GDAP2: variants seen among roughly 807,000 people sequenced by gnomAD.
GDAP2 encodes the protein ganglioside induced differentiation associated protein 2.
A neutral mutation model predicts 67.0 loss-of-function variants in GDAP2; 51 were observed. That is an observed-to-expected ratio of 0.76 (90% confidence interval 0.61 to 0.96). The LOEUF is 0.96. Among genes scored for constraint, GDAP2 ranks in the 40% least tolerant of loss-of-function variants. The probability of loss-of-function intolerance (pLI) is 0.00; values close to 1 mark genes in which losing one functional copy is unlikely to be tolerated. For missense variants in GDAP2, 547 were observed against 588.3 expected (o/e 0.93, Z 0.73); for synonymous variants, 203 against 207.3 (o/e 0.98, Z 0.18).
chr1:117,915,155 T>C (rs751943672), intron 3 of GDAP2, among the ~76,000 whole-genome samples: 10 of 152,198 alleles, frequency 6.6e-5, no homozygotes, highest in Non-Finnish European at 1.2e-4. Context: ...AGGTCTAACA[T>C]GATACAACAT....
In GDAP2 at chr1:117,867,211, A is replaced by G. The variant is rs1648100152; in HGVS notation, c.*3358T>C. On this transcript the variant is annotated 3_prime_UTR_variant, in exon 14 of 14. Coordinates refer to ENST00000369443, the MANE Select transcript of GDAP2 (RefSeq NM_017686.4). ...TAAACAATATCCAAGCAAACAGAAA[A>G]GAAGAGGAAATAGGCAAGCCATGTT... is the stretch of plus-strand genomic sequence containing the variant. 6.6e-6 allele frequency: 1 copy of G among 152,198 alleles called. No homozygotes were observed. The highest frequency in any genetic ancestry group is 2.4e-5 in the African/African-American group (1 of 41,442). 9.4% of individuals were successfully genotyped at this position (152,198 alleles called of 1,614,324 possible).
chr1:117,898,861 GACGTATA>G (rs1649349427), intron 7 of GDAP2, among the ~76,000 whole-genome samples, 189 bp downstream of exon 7: 1 of 152,172 alleles, frequency 6.6e-6, no homozygotes, highest in South Asian at 2.1e-4. Flanking sequence ...ACACAGACTT[GACGTATA>G]TCTATCTAGC....
chr1:117,880,678 T>A (rs1468633556), intron 12 of GDAP2, among the ~76,000 whole-genome samples: 1 of 152,254 alleles, frequency 6.6e-6, no homozygotes, highest in African/African-American at 2.4e-5. Context: ...GGGATTAAAA[T>A]GCCTAGATTC....
At chr1:117,911,377 G>A (rs1438723603) in intron 5 of GDAP2, among the ~76,000 whole-genome samples, 1 of 152,154 alleles carries the variant, frequency 6.6e-6, no homozygotes, top group Non-Finnish European at 1.5e-5. Flanking sequence ...ACTGCCAAGT[G>A]TTATACAAAT....
intron 6 of GDAP2, among the ~76,000 whole-genome samples, chr1:117,902,856 T>C (rs1296528213): frequency 2.0e-5 from 3 of 152,360 alleles, no homozygotes; most frequent in East Asian, 3.9e-4. Flanking sequence ...GTATGGTCAG[T>C]ACTGTTATCT....
intron 6 of GDAP2, among the ~76,000 whole-genome samples, chr1:117,899,483 C>T (rs1324552945): frequency 6.6e-6 from 1 of 152,144 alleles, no homozygotes. Context: ...TCCTGCCACT[C>T]CTGTCCCCAT....
intron 13 of GDAP2, among the ~76,000 whole-genome samples, chr1:117,876,771 A>G (rs1047004621): frequency 6.6e-6 from 1 of 152,248 alleles, no homozygotes. Context: ...TTAAGTATAT[A>G]GAAAATGCTT....
chr1:117,918,937 C>T (rs1393823841), intron 2 of GDAP2, among the ~76,000 whole-genome samples: 3 of 152,134 alleles, frequency 2.0e-5, no homozygotes, highest in Non-Finnish European at 4.4e-5. Context: ...TGTTATAACC[C>T]TGAAACTCAC....
chr1:117,882,044 C>T (rs1648666426), intron 11 of GDAP2, among the ~76,000 whole-genome samples, 167 bp from the exon 12 acceptor site: 1 of 152,014 alleles, frequency 6.6e-6, no homozygotes, highest in Admixed American at 6.6e-5. Context: ...AAAAACAATT[C>T]AGAGAACATT....
chr1:117,870,658 C>G (rs747186794), intron 13 of GDAP2, 42 bp from the exon 14 acceptor site: 6 of 1,258,006 alleles, frequency 4.8e-6, no homozygotes, highest in South Asian at 1.2e-5. Context: ...AGTAACAGAA[C>G]CAATTTAACT....
intron 8 of GDAP2, among the ~76,000 whole-genome samples, chr1:117,889,396 C>T (rs928506184): frequency 4.0e-5 from 6 of 151,788 alleles, no homozygotes; most frequent in African/African-American, 1.5e-4. Flanking sequence ...CTACAGTCAC[C>T]GTATTATATA....
chr1:117,905,702 A>T lies in GDAP2; in HGVS notation c.636+804T>A, dbSNP rs376521816. Reference sequence around the variant, plus strand: ...TATAGCAAACCTGTTACATGCTAACACTCAGTAAAAGATCACTGGAAGATT... The same window carrying T: ...TATAGCAAACCTGTTACATGCTAACTCTCAGTAAAAGATCACTGGAAGATT... On this transcript the variant is annotated intron_variant, in intron 6 of 13. Coordinates refer to ENST00000369443, the MANE Select transcript of GDAP2 (RefSeq NM_017686.4). 2.7e-4 allele frequency among the ~76,000 whole-genome samples: 41 copies of T among 152,306 alleles called. No homozygotes were observed. The East Asian group carries it at 3.7e-3, about 14-fold the overall frequency.
chr1:117,881,768 C>G (rs1163470620), intron 12 of GDAP2, 55 bp downstream of exon 12: 7 of 879,552 alleles, frequency 8.0e-6, no homozygotes, highest in Non-Finnish European at 1.4e-5. Flanking sequence ...TCTTAATACT[C>G]TGGGCATGCA....
intron 12 of GDAP2, among the ~76,000 whole-genome samples, chr1:117,879,038 C>T (rs981426874): frequency 1.3e-5 from 2 of 152,114 alleles, no homozygotes; most frequent in African/African-American, 2.4e-5. Context: ...ATCAGAAAAT[C>T]GTTCACAAGG....
At chr1:117,893,972 TAGAGA>T (rs1649174073) in intron 8 of GDAP2, among the ~76,000 whole-genome samples, 1 of 152,170 alleles carries the variant, frequency 6.6e-6, no homozygotes, top group African/African-American at 2.4e-5. Flanking sequence ...AAGCTGTATT[TAGAGA>T]AGAGTTGTAT....
intron 8 of GDAP2, among the ~76,000 whole-genome samples, chr1:117,890,171 G>A (rs774568991): frequency 6.6e-6 from 1 of 152,022 alleles, no homozygotes; most frequent in Non-Finnish European, 1.5e-5. Flanking sequence ...CTGAGAAGGG[G>A]ACTGGTGGTG....
At chr1:117,904,650 G>A (rs1364295226) in intron 6 of GDAP2, among the ~76,000 whole-genome samples, 1 of 152,110 alleles carries the variant, frequency 6.6e-6, no homozygotes, top group East Asian at 1.9e-4. Flanking sequence ...AAGTTGCCAC[G>A]GCACTGTGGT....
At chr1:117,883,978 T>C (rs1242361541) in intron 10 of GDAP2, among the ~76,000 whole-genome samples, 1 of 152,212 alleles carries the variant, frequency 6.6e-6, no homozygotes, top group Non-Finnish European at 1.5e-5. Flanking sequence ...AGGACAATGA[T>C]ATCGAAATCA....
At chr1:117,929,007 T>C (rs1428905863) in intron 1 of GDAP2, among the ~76,000 whole-genome samples, 1 of 151,986 alleles carries the variant, frequency 6.6e-6, no homozygotes, top group East Asian at 1.9e-4. Context: ...CTCCAGGGAT[T>C]GCGGGAACCT....
Sources: allele counts gnomAD v4.1 joint callset (sites outside exome capture counted in the v4.1 genomes callset), GRCh38; gene constraint gnomAD v4.1.1; transcripts MANE v1.5; gene names NCBI Gene and HGNC (gene_info 2026-07-23, HGNC 2026-07-21).